The following TRERF1 variants were observed in gnomAD, a reference collection of about 807,000 sequenced individuals.
TRERF1 encodes transcriptional regulating factor 1, also known as transcriptional-regulating factor 1.
A neutral mutation model predicts 122.9 loss-of-function variants in TRERF1; 27 were observed. The observed-to-expected ratio is 0.22, with a 90% CI of 0.16 to 0.30. The LOEUF is 0.30. TRERF1 is among the 10% of genes least tolerant of loss of function. The pLI is 1.00. For missense variants in TRERF1, 1,248 were observed against 1,560.3 expected (o/e 0.80, Z 3.37); for synonymous variants, 636 against 641.7 (o/e 0.99, Z 0.13).
chr6:42,293,712 C>T (rs906791285), intron 4 of TRERF1, among the ~76,000 whole-genome samples: 1 of 151,934 alleles, frequency 6.6e-6, no homozygotes, highest in African/African-American at 2.4e-5. Flanking sequence ...AGATGGGGTT[C>T]TTTTAAGCCC....
chr6:42,274,699 A>C (rs1422304755), intron 4 of TRERF1, among the ~76,000 whole-genome samples: 1 of 151,724 alleles, frequency 6.6e-6, no homozygotes. Flanking sequence ...AATAAAAATA[A>C]ATTTTAAAAA....
chr6:42,292,810 A>AC (rs959585377), intron 4 of TRERF1, among the ~76,000 whole-genome samples: 1 of 152,210 alleles, frequency 6.6e-6, no homozygotes, highest in Non-Finnish European at 1.5e-5. Flanking sequence ...TGGTATCACC[A>AC]CCTAAAAAAG....
intron 2 of TRERF1, among the ~76,000 whole-genome samples, chr6:42,369,488 T>C (rs922686548): frequency 6.6e-6 from 1 of 152,090 alleles, no homozygotes; most frequent in African/African-American, 2.4e-5. Flanking sequence ...AGTCCAAAAC[T>C]GCATAGTCAG....
At chr6:42,254,772 T>C in intron 13 of TRERF1, 79 bp downstream of exon 13, 1 of 1,333,222 alleles carries the variant, frequency 7.5e-7, no homozygotes, top group Admixed American at 1.7e-5. Context: ...TGTTATCCAT[T>C]GCTAGAAAGT....
chr6:42,429,431 G>A (rs1163275898), intron 2 of TRERF1, among the ~76,000 whole-genome samples: 3 of 152,152 alleles, frequency 2.0e-5, no homozygotes, highest in Non-Finnish European at 2.9e-5. Context: ...GGGGGGAAAT[G>A]GAAGGAAGCA....
In TRERF1 at chr6:42,228,677, TAAAG is replaced by T. The variant is rs764310918; in HGVS notation, c.3279-12_3279-9del. Reference sequence around the variant, plus strand: ...TTGATCTTGAAGAAGACTCTAAAAATAAAGAAAGAGAGGTGTGTAGAATTTAGAA... The same window carrying T: ...TTGATCTTGAAGAAGACTCTAAAAATAAAGAGAGGTGTGTAGAATTTAGAA... On this transcript the variant is annotated splice_polypyrimidine_tract_variant and intron_variant, in intron 17 of 17. Transcript: ENST00000372922. This position sits in a 1 kb window ranked among gnomAD's most constrained non-coding sequence, Gnocchi z 4.2. The T allele has an allele frequency of 3.7e-5, 58 of 1,583,454 alleles. No homozygotes were observed. Among genetic ancestry groups the T allele is most frequent in the Admixed American group, 1.9e-4 (10 of 53,630 alleles).
intron 3 of TRERF1, among the ~76,000 whole-genome samples, chr6:42,311,316 C>T (rs866755820): frequency 2.0e-5 from 3 of 152,108 alleles, no homozygotes; most frequent in South Asian, 4.1e-4. Context: ...GGGCATAGGC[C>T]TAAATGAACT....
intron 2 of TRERF1, among the ~76,000 whole-genome samples, chr6:42,363,605 C>T (rs565171483): frequency 4.7e-4 from 72 of 152,246 alleles, no homozygotes; most frequent in Middle Eastern, 3.4e-3. Flanking sequence ...CAGAATGTGG[C>T]ATATTAGGAG....
chr6:42,356,317 C>T (rs180907465), intron 3 of TRERF1, among the ~76,000 whole-genome samples: 20 of 152,274 alleles, frequency 1.3e-4, no homozygotes, highest in Non-Finnish European at 2.2e-4. Context: ...GGATGCCATT[C>T]GGAGATGAGG....
chr6:42,331,543 C>T (rs368796064), intron 3 of TRERF1, among the ~76,000 whole-genome samples: 1 of 152,178 alleles, frequency 6.6e-6, no homozygotes, highest in Non-Finnish European at 1.5e-5. Flanking sequence ...CCCTGGGGAT[C>T]GCCCACCGGA....
Position 42,257,037 on chromosome 6 carries a change from G to C in TRERF1, c.2402C>G (p.Ala801Gly), listed in dbSNP as rs891593316. 3.1e-6 allele frequency: 5 copies of C among 1,614,070 alleles called. No individual in the cohort carries two copies. Among genetic ancestry groups the C allele is most frequent in the Non-Finnish European group, 8.5e-7 (1 of 1,180,040 alleles). The change falls in exon 11 of 18, where the codon GCC (alanine) becomes GGC (glycine). Residue 801 changes from alanine (A) to glycine (G), a missense_variant. Around this residue, in one of 5 missense-constraint regions of TRERF1, gnomAD observed 946 missense variants for 1,073.0 expected, o/e 0.88. Transcript: ENST00000372922. ...CAGTGTGGCCTTGTGTGTGTCCTGGGCCAGGGCAGAGATATCTTGGAGTTC... is the reference window on the plus strand; with the variant it reads ...CAGTGTGGCCTTGTGTGTGTCCTGGCCCAGGGCAGAGATATCTTGGAGTTC...
intron 2 of TRERF1, among the ~76,000 whole-genome samples, chr6:42,419,459 C>T (rs1232581192): frequency 5.3e-5 from 8 of 152,012 alleles, no homozygotes; most frequent in Non-Finnish European, 1.2e-4. Flanking sequence ...CACCTCCATG[C>T]GACTCACAAA....
intron 5 of TRERF1, 138 bp from the exon 6 acceptor site, chr6:42,265,935 A>G: frequency 1.2e-6 from 1 of 842,180 alleles, no homozygotes; most frequent in Non-Finnish European, 1.9e-6. Context: ...GACCCCATTC[A>G]TGTCCACTCA....
chr6:42,248,863 C>T (rs1458749289), intron 13 of TRERF1, among the ~76,000 whole-genome samples: 5 of 152,180 alleles, frequency 3.3e-5, no homozygotes, highest in Non-Finnish European at 7.3e-5. Flanking sequence ...CTCTATATCA[C>T]TTCCATCACC....
chr6:42,267,761 G>A (rs879462656), intron 5 of TRERF1, among the ~76,000 whole-genome samples: 15 of 152,222 alleles, frequency 9.9e-5, no homozygotes, highest in Admixed American at 2.0e-4. Flanking sequence ...GAGAAATGCT[G>A]TCATAACGTG....
At chr6:42,359,273 G>C (rs188843607) in intron 3 of TRERF1, among the ~76,000 whole-genome samples, 1 of 152,316 alleles carries the variant, frequency 6.6e-6, no homozygotes, top group East Asian at 1.9e-4. Flanking sequence ...TACTGAAGTG[G>C]ATGCCCAAGA....
At chr6:42,278,256 A>T (rs531439689) in intron 4 of TRERF1, among the ~76,000 whole-genome samples, 3 of 152,164 alleles carry the variant, frequency 2.0e-5, no homozygotes, top group Non-Finnish European at 4.4e-5. Flanking sequence ...GTAGAGACCA[A>T]TGTGGTCTCC....
At chr6:42,368,986 T>C (rs1773275451) in intron 2 of TRERF1, among the ~76,000 whole-genome samples, 1 of 152,160 alleles carries the variant, frequency 6.6e-6, no homozygotes, top group Non-Finnish European at 1.5e-5. Flanking sequence ...GGGTTCCCAA[T>C]GTTAGCTGCA....
chr6:42,307,905 G>A (rs1787569132), intron 3 of TRERF1, among the ~76,000 whole-genome samples: 1 of 152,200 alleles, frequency 6.6e-6, no homozygotes, highest in Non-Finnish European at 1.5e-5. Flanking sequence ...CTGGGAACTT[G>A]TGAAGAATGA....
Sources: gnomAD v4.1 joint callset for allele counts (sites outside exome capture counted in the v4.1 genomes callset) on GRCh38, gnomAD v4.1.1 for gene constraint, gnomAD v4.1.1 regional missense constraint, Gnocchi (gnomAD v3.1) non-coding constraint, MANE v1.5 for transcripts, NCBI Gene and HGNC (gene_info 2026-07-23, HGNC 2026-07-21) for gene names.